Variants in CDH20 observed in about 807,000 individuals in gnomAD.
CDH20 encodes the protein cadherin-20.
A neutral mutation model predicts 74.2 loss-of-function variants in CDH20; 29 were observed. The observed-to-expected ratio is 0.39, with a 90% CI of 0.29 to 0.53. CDH20 has a LOEUF of 0.53. Among genes scored for constraint, CDH20 ranks in the 20% least tolerant of loss-of-function variants. The probability of loss-of-function intolerance (pLI) is 0.69; values close to 1 mark genes in which losing one functional copy is unlikely to be tolerated. For synonymous variants in CDH20, 469 were observed against 405.4 expected (o/e 1.16, Z -1.88); for missense variants, 988 against 1,048.3 (o/e 0.94, Z 0.79).
At chr18:61,354,434 C>T (rs1042285172) in intron 1 of CDH20, among the ~76,000 whole-genome samples, 1 of 152,060 alleles carries the variant, frequency 6.6e-6, no homozygotes, top group African/African-American at 2.4e-5. Context: ...AGAGTGAAAC[C>T]CCATCTCTAC....
At chr18:61,466,590 G>GCTT (rs1285133681) in intron 1 of CDH20, among the ~76,000 whole-genome samples, 1 of 152,144 alleles carries the variant, frequency 6.6e-6, no homozygotes, top group Admixed American at 6.5e-5. Flanking sequence ...TAAGTCCATG[G>GCTT]AAATCTCTCA....
chr18:61,346,746 C>G (rs1906485634), intron 1 of CDH20, among the ~76,000 whole-genome samples: 1 of 152,154 alleles, frequency 6.6e-6, no homozygotes. Context: ...TGTAAATGAT[C>G]TGAAATAATT....
At chr18:61,518,778 A>G (rs974154147) in intron 6 of CDH20, among the ~76,000 whole-genome samples, 2 of 151,298 alleles carry the variant, frequency 1.3e-5, no homozygotes, top group African/African-American at 4.9e-5. Flanking sequence ...AGTTTGACAA[A>G]CTGACAGAAG....
At chr18:61,505,257 C>G (rs1009252799) in intron 5 of CDH20, among the ~76,000 whole-genome samples, 1 of 152,084 alleles carries the variant, frequency 6.6e-6, no homozygotes, top group Non-Finnish European at 1.5e-5. Flanking sequence ...TCATGTTACC[C>G]CAAACATGGC....
At chr18:61,423,764 A>G (rs1912973403) in intron 1 of CDH20, among the ~76,000 whole-genome samples, 1 of 152,160 alleles carries the variant, frequency 6.6e-6, no homozygotes, top group Non-Finnish European at 1.5e-5. Flanking sequence ...CTGGAAAATT[A>G]TTTTATTCAA....
intron 7 of CDH20, among the ~76,000 whole-genome samples, chr18:61,532,553 TATAC>T (rs58445053): frequency 0.36 from 30,157 of 84,484 alleles, 3,212 homozygotes; most frequent in East Asian, 0.51. Flanking sequence ...TATATATATA[TATAC>T]ACACACACAC....
At chr18:61,447,155 G>C (rs1909228495) in intron 1 of CDH20, among the ~76,000 whole-genome samples, 1 of 152,202 alleles carries the variant, frequency 6.6e-6, no homozygotes, top group Admixed American at 6.5e-5. Flanking sequence ...TTTACACTGA[G>C]AGAGAAACAC....
rs752821000 is a variant in CDH20 at position 61,490,794 on chromosome 18, G to A, written c.241G>A (p.Gly81Ser). Residue 81 changes from glycine to serine, a missense_variant, in exon 2 of 12, where the codon GGC (glycine) becomes AGC (serine). By Grantham distance (56) the Gly-to-Ser change is moderately conservative (BLOSUM62 0). Coordinates refer to ENST00000262717, the MANE Select transcript of CDH20 (RefSeq NM_031891.4). ...CACTGGGACCGACCCTTTGTATGTC[G>A]GCAAGGTAAGAAATGCCAAGTAGAA... is the stretch of plus-strand genomic sequence containing the variant. The part of the protein sequence containing the change: ...EYTGTDPLYV[G>S]KLHSDMDRGD... The A allele has an allele frequency of 8.7e-6, 14 of 1,613,848 alleles. No homozygotes were observed. The highest frequency in any genetic ancestry group is 5.5e-5 in the South Asian group (5 of 91,040).
chr18:61,395,381 G>C (rs1030323836), intron 1 of CDH20, among the ~76,000 whole-genome samples: 1 of 152,166 alleles, frequency 6.6e-6, no homozygotes, highest in African/African-American at 2.4e-5. Flanking sequence ...ATAAATATTA[G>C]CTATTATTAT....
intron 1 of CDH20, among the ~76,000 whole-genome samples, chr18:61,467,238 G>A (rs1235379493): frequency 6.6e-6 from 1 of 152,128 alleles, no homozygotes; most frequent in East Asian, 1.9e-4. Context: ...GCAAATTGTA[G>A]TATTGGAAAA....
chr18:61,366,219 A>G (rs929005500), intron 1 of CDH20, among the ~76,000 whole-genome samples: 3 of 152,150 alleles, frequency 2.0e-5, no homozygotes, highest in Non-Finnish European at 4.4e-5. Context: ...GCCAGAGAAA[A>G]ATAAACTCAC....
At chr18:61,500,303 C>A (rs1017640577) in intron 3 of CDH20, 80 bp from the exon 4 acceptor site, 3 of 1,470,222 alleles carry the variant, frequency 2.0e-6, no homozygotes, top group Non-Finnish European at 2.8e-6. Context: ...TTTGCAAATG[C>A]TTTAAGATGG....
At chr18:61,396,053 T>TGTGTGTGTGTGTGTGTGTGTGTG (rs1568123818) in intron 1 of CDH20, among the ~76,000 whole-genome samples, 43 of 142,826 alleles carry the variant, frequency 3.0e-4, no homozygotes, top group African/African-American at 6.2e-4. Flanking sequence ...GTGTGTGTGT[T>TGTGTGTGTGTGTGTGTGTGTGTG]TGTGTGTGTG....
intron 8 of CDH20, among the ~76,000 whole-genome samples, chr18:61,537,476 G>A (rs1478434537): frequency 6.6e-6 from 1 of 152,166 alleles, no homozygotes; most frequent in African/African-American, 2.4e-5. Context: ...ACAACCTATA[G>A]TAAAATGACA....
At position 61,361,201 on chromosome 18, in the gene CDH20, C is replaced by T. The variant is rs548829680; in HGVS notation, c.-153+27374C>T. On this transcript the variant is annotated intron_variant, in intron 1 of 11. Transcript: ENST00000262717. ...TTCCTCTTCTGCTGTAGGTTCGCTGCGTGGTGGTAACAGAGCTAGGGGGAA... is the reference window on the plus strand; with the variant it reads ...TTCCTCTTCTGCTGTAGGTTCGCTGTGTGGTGGTAACAGAGCTAGGGGGAA... 1.9e-4 allele frequency among the ~76,000 whole-genome samples: 29 copies of T among 152,266 alleles called. 1 individual carries two copies. The South Asian group carries it at 5.8e-3, about 31-fold the overall frequency.
At position 61,353,432 on chromosome 18, in the gene CDH20, T is replaced by C. The variant is rs1910375927; in HGVS notation, c.-153+19605T>C. On this transcript the variant is annotated intron_variant, in intron 1 of 11. Coordinates refer to ENST00000262717, the MANE Select transcript of CDH20 (RefSeq NM_031891.4). This position sits in a 1 kb window ranked among gnomAD's most constrained non-coding sequence, Gnocchi z 4.6. ...ATAGTTACTTCTTCTTCCCCTAGAT[T>C]CTCATAAAATGGACTTCATATTGCA... Among the ~76,000 whole-genome samples, 1 of 152,220 alleles carries C rather than the reference T, an allele frequency of 6.6e-6. No homozygotes were observed. The highest frequency in any genetic ancestry group is 1.5e-5 in the Non-Finnish European group (1 of 68,042).
At chr18:61,417,480 T>C (rs898479061) in intron 1 of CDH20, among the ~76,000 whole-genome samples, 1 of 147,702 alleles carries the variant, frequency 6.8e-6, no homozygotes, top group Non-Finnish European at 1.5e-5. Flanking sequence ...ATCTTGTAAT[T>C]TGCAACAACA....
At chr18:61,491,216 T>C (rs1599121458) in intron 2 of CDH20, among the ~76,000 whole-genome samples, 1 of 121,750 alleles carries the variant, frequency 8.2e-6, no homozygotes, top group East Asian at 2.4e-4. Context: ...TTGCCTGAGG[T>C]GCAAATTTAA....
chr18:61,457,768 A>T (rs1909624968), intron 1 of CDH20, among the ~76,000 whole-genome samples: 1 of 152,170 alleles, frequency 6.6e-6, no homozygotes, highest in African/African-American at 2.4e-5. Context: ...CTCTTTGGGA[A>T]TTGAGGAAAA....
Sources: allele counts gnomAD v4.1 joint callset (sites outside exome capture counted in the v4.1 genomes callset), GRCh38; gene constraint gnomAD v4.1.1; non-coding constraint Gnocchi (gnomAD v3.1); transcripts MANE v1.5; gene names NCBI Gene and HGNC (gene_info 2026-07-23, HGNC 2026-07-21).